Variants in THOC1 observed in about 807,000 individuals in gnomAD.
The protein encoded by THOC1 is THO complex 1.
Under a neutral mutation model 97.3 loss-of-function variants are expected in THOC1, and 29 were observed. The ratio of observed to expected loss-of-function variants is 0.30; its 90% confidence interval spans 0.22 to 0.41. The LOEUF (loss-of-function observed/expected upper bound fraction) is 0.41. Among genes scored for constraint, THOC1 ranks in the 10% least tolerant of loss-of-function variants. The probability of loss-of-function intolerance (pLI) is 1.00; values close to 1 mark genes in which losing one functional copy is unlikely to be tolerated. For synonymous variants in THOC1, 255 were observed against 257.0 expected (o/e 0.99, Z 0.07); for missense variants, 529 against 761.9 (o/e 0.69, Z 3.60).
At chr18:218,790 A>T in intron 18 of THOC1, 96 bp downstream of exon 18, 2 of 956,158 alleles carry the variant, frequency 2.1e-6, no homozygotes, top group Non-Finnish European at 3.2e-6. Context: ...TATTCTATCT[A>T]CTGCCTCTCT....
intron 20 of THOC1, 109 bp downstream of exon 20, chr18:215,320 A>C: frequency 1.2e-6 from 1 of 811,962 alleles, no homozygotes; most frequent in South Asian, 1.6e-5. Context: ...AACAGTTGAG[A>C]TAAAATGGGA....
intron 11 of THOC1, among the ~76,000 whole-genome samples, chr18:241,883 A>C (rs971189728): frequency 1.3e-5 from 2 of 152,182 alleles, no homozygotes; most frequent in Non-Finnish European, 2.9e-5. Flanking sequence ...TCCTGGACTA[A>C]CCTTAAAGAA....
intron 17 of THOC1, among the ~76,000 whole-genome samples, chr18:219,515 C>A (rs1911003886): frequency 6.6e-6 from 1 of 152,074 alleles, no homozygotes; most frequent in African/African-American, 2.4e-5. Flanking sequence ...AAAGTGGTGG[C>A]AGGACAAGAT....
At chr18:221,678 G>A (rs1335719420) in intron 17 of THOC1, among the ~76,000 whole-genome samples, 4 of 138,588 alleles carry the variant, frequency 2.9e-5, no homozygotes, top group East Asian at 4.2e-4. Flanking sequence ...GTGCGATCTC[G>A]ACTCACTGCA....
intron 1 of THOC1, among the ~76,000 whole-genome samples, chr18:267,302 A>G (rs1912808096): frequency 6.6e-6 from 1 of 152,176 alleles, no homozygotes; most frequent in Non-Finnish European, 1.5e-5. Flanking sequence ...CTTCTACCTC[A>G]TGTACCAGGA....
At chr18:234,985 TTGA>T (rs1911623827) in intron 11 of THOC1, among the ~76,000 whole-genome samples, 1 of 152,118 alleles carries the variant, frequency 6.6e-6, no homozygotes, top group South Asian at 2.1e-4. Context: ...CTTTGAAGTG[TTGA>T]TAAGATATGC....
At chr18:230,927 G>C (rs543809199) in intron 11 of THOC1, among the ~76,000 whole-genome samples, 1 of 152,190 alleles carries the variant, frequency 6.6e-6, no homozygotes, top group South Asian at 2.1e-4. Flanking sequence ...ATTTTTTGTA[G>C]AGACAGAGTC....
chr18:216,398 A>T (rs1910891933), intron 19 of THOC1, 88 bp downstream of exon 19: 1 of 1,429,986 alleles, frequency 7.0e-7, no homozygotes. Flanking sequence ...TTTTCACATG[A>T]TTAAGTCAGT....
chr18:215,497 G>A lies in THOC1; in HGVS notation c.1610C>T (p.Ser537Phe), dbSNP rs746446174. 8.7e-6 allele frequency: 14 copies of A among 1,612,236 alleles called. No individual in the cohort carries two copies. Among genetic ancestry groups the A allele is most frequent in the Non-Finnish European group, 1.2e-5 (14 of 1,178,630 alleles). Residue 537 changes from serine to phenylalanine, a missense_variant, in exon 20 of 21, where the codon TCT becomes TTT. By Grantham distance (155) the Ser-to-Phe change is radical. Transcript: ENST00000261600. The stretch of plus-strand genomic sequence containing the variant: ...ATCCTCACCTGTTTTTATTTCTTCA[G>A]AAGGAGGCTAAAAATGAGAAAGAAG... ...IKLAKELPPP[S>F]EEIKTGEDED... is the part of the protein sequence containing the mutation.
intron 1 of THOC1, among the ~76,000 whole-genome samples, chr18:267,573 G>A (rs1049946618): frequency 6.6e-6 from 1 of 152,182 alleles, no homozygotes; most frequent in East Asian, 1.9e-4. Context: ...GCTAGGGCGG[G>A]AGCCAGGTCT....
intron 4 of THOC1, among the ~76,000 whole-genome samples, chr18:263,174 G>C (rs190789585): frequency 1.3e-5 from 2 of 152,034 alleles, no homozygotes; most frequent in Admixed American, 6.6e-5. Flanking sequence ...TCCGCCTCCC[G>C]GGTTCACACC....
Position 231,453 on chromosome 18 carries a change from CAT to C in THOC1, c.919-4554_919-4553del, listed in dbSNP as rs199773035. Among the ~76,000 whole-genome samples the C allele has an allele frequency of 7.3e-3, 1,117 of 152,196 alleles. 15 individuals are homozygous for C. The highest frequency in any genetic ancestry group is 0.023 in the African/African-American group (943 of 41,526). On this transcript the variant is annotated intron_variant, in intron 11 of 20. Coordinates refer to ENST00000261600, the MANE Select transcript of THOC1 (RefSeq NM_005131.3). ...AATTTAACACAAAATACATAAAAAACATGTGCTAGAAAATATTCAGAACATTC... is the reference window on the plus strand; with the variant it reads ...AATTTAACACAAAATACATAAAAAACGTGCTAGAAAATATTCAGAACATTC...
chr18:245,153 A>G (rs1173578863), intron 11 of THOC1: 1 of 152,056 alleles, frequency 6.6e-6, no homozygotes, highest in Non-Finnish European at 1.5e-5. Context: ...CAGGCTATAT[A>G]TTTCATCTGG....
At chr18:224,280 T>TA (rs1198330335) in intron 15 of THOC1, 101 bp from the exon 16 acceptor site, 19 of 978,882 alleles carry the variant, frequency 1.9e-5, no homozygotes, top group Middle Eastern at 4.2e-4. Context: ...GTTTTCCTCT[T>TA]AAAAAAGATG....
chr18:238,179 A>C (rs908603935), intron 11 of THOC1, among the ~76,000 whole-genome samples: 1 of 152,126 alleles, frequency 6.6e-6, no homozygotes, highest in Non-Finnish European at 1.5e-5. Flanking sequence ...CTTTCTAATA[A>C]TTCTTTTCAA....
In THOC1 at chr18:225,514, A is replaced by G. The variant is rs1911250046; in HGVS notation, c.1020-111T>C. The G allele has an allele frequency of 1.1e-5, 9 of 814,658 alleles. No homozygotes were observed. The East Asian group carries it at 2.4e-4, about 21-fold the overall frequency. 50.5% of individuals were successfully genotyped at this position (814,658 alleles called of 1,614,324 possible). A position where few individuals can be genotyped will look rare whatever the true frequency, so the allele number is the denominator to read the frequency against. ...TGTAACTATACTGTGGATAGTGTCA[A>G]AAATTACCAAGACAAGAATAATCAC... On this transcript the variant is annotated intron_variant, in intron 12 of 20. Transcript: ENST00000261600.
intron 11 of THOC1, chr18:244,221 A>G (rs1280981117): frequency 6.6e-6 from 1 of 152,168 alleles, no homozygotes. Flanking sequence ...TTAATTAAAA[A>G]AATTTTAAAT....
At chr18:215,066 T>TACGGA in intron 20 of THOC1, 145 bp from the exon 21 acceptor site, 1 of 727,418 alleles carries the variant, frequency 1.4e-6, no homozygotes, top group Non-Finnish European at 2.2e-6. Flanking sequence ...CTCCGTAAGT[T>TACGGA]GAATACCACT....
At chr18:217,026 A>C (rs1451599186) in intron 18 of THOC1, among the ~76,000 whole-genome samples, 1 of 152,250 alleles carries the variant, frequency 6.6e-6, no homozygotes, top group African/African-American at 2.4e-5. Flanking sequence ...AAGTATAACA[A>C]TGATCAGGGT....
Sources: gnomAD v4.1 joint callset for allele counts (sites outside exome capture counted in the v4.1 genomes callset) on GRCh38, gnomAD v4.1.1 for gene constraint, MANE v1.5 for transcripts, NCBI Gene and HGNC (gene_info 2026-07-23, HGNC 2026-07-21) for gene names.